Variants in KSR2 observed in about 807,000 individuals in gnomAD.
The protein encoded by KSR2 is kinase suppressor of ras 2.
Under a neutral mutation model 107.8 loss-of-function variants are expected in KSR2, and 25 were observed. The observed-to-expected ratio is 0.23, with a 90% CI of 0.17 to 0.32. The LOEUF (loss-of-function observed/expected upper bound fraction) is 0.32, where lower values mean the gene tolerates loss of function less well. Ranked by LOEUF, KSR2 falls within the 10% of genes least tolerant of loss-of-function variation. KSR2 has a pLI of 1.00. For synonymous variants in KSR2, 480 were observed against 507.0 expected (o/e 0.95, Z 0.71); for missense variants, 887 against 1,268.9 (o/e 0.70, Z 4.57).
At chr12:117,589,433 C>G (rs560493470) in intron 5 of KSR2, among the ~76,000 whole-genome samples, 1 of 152,288 alleles carries the variant, frequency 6.6e-6, no homozygotes, top group Admixed American at 6.5e-5. Context: ...GGTTTGAACC[C>G]AAGAGCTCAT....
At chr12:117,665,731 T>C (rs1396311962) in intron 5 of KSR2, among the ~76,000 whole-genome samples, 1 of 152,202 alleles carries the variant, frequency 6.6e-6, no homozygotes, top group African/African-American at 2.4e-5. Context: ...GCTCATCTAA[T>C]CCTCACAACT....
chr12:117,886,581 C>T (rs1394902904), intron 1 of KSR2, among the ~76,000 whole-genome samples: 15 of 151,950 alleles, frequency 9.9e-5, no homozygotes, highest in African/African-American at 2.9e-4. Context: ...TGCCATCTAA[C>T]GCTTGTGTAA....
chr12:117,574,714 A>C (rs1879157546), intron 7 of KSR2, among the ~76,000 whole-genome samples: 1 of 152,136 alleles, frequency 6.6e-6, no homozygotes, highest in South Asian at 2.1e-4. Flanking sequence ...ACCATCTTAA[A>C]ATGCAAATTC....
chr12:117,470,334 C>CTA (rs1566120628), intron 18 of KSR2, among the ~76,000 whole-genome samples: 1 of 151,980 alleles, frequency 6.6e-6, no homozygotes, highest in Non-Finnish European at 1.5e-5. Context: ...ATGCATGCAT[C>CTA]TATACATCCA....
intron 4 of KSR2, among the ~76,000 whole-genome samples, chr12:117,738,044 C>G (rs1435249271): frequency 6.6e-6 from 1 of 152,172 alleles, no homozygotes; most frequent in African/African-American, 2.4e-5. Context: ...GGGCTCCAAG[C>G]ACAGCAGTTA....
intron 4 of KSR2, among the ~76,000 whole-genome samples, chr12:117,730,345 A>G (rs1887612121): frequency 6.6e-6 from 1 of 152,194 alleles, no homozygotes. Context: ...TATATAAGGC[A>G]CTTAGCACAA....
At chr12:117,483,804 G>A (rs1268236284) in intron 16 of KSR2, among the ~76,000 whole-genome samples, 1 of 152,174 alleles carries the variant, frequency 6.6e-6, no homozygotes, top group Non-Finnish European at 1.5e-5. Context: ...TACCCTTTGC[G>A]GAGCTTTTGA....
At chr12:117,504,373 T>C (rs1873551209) in intron 14 of KSR2, among the ~76,000 whole-genome samples, 1 of 152,220 alleles carries the variant, frequency 6.6e-6, no homozygotes, top group African/African-American at 2.4e-5. Context: ...GGACAAAATA[T>C]AAGTTTGTGC....
intron 5 of KSR2, among the ~76,000 whole-genome samples, chr12:117,651,100 C>G (rs137987368): frequency 6.6e-6 from 1 of 152,318 alleles, no homozygotes; most frequent in Non-Finnish European, 1.5e-5. Context: ...TTTGTAAACT[C>G]TGATGGACCC....
At chr12:117,554,897 T>C (rs1044271680) in intron 9 of KSR2, among the ~76,000 whole-genome samples, 11 of 152,170 alleles carry the variant, frequency 7.2e-5, no homozygotes, top group African/African-American at 2.7e-4. Context: ...TCCTTTTAAG[T>C]CTCTCCTCCC....
intron 3 of KSR2, among the ~76,000 whole-genome samples, chr12:117,831,309 C>T (rs541298407): frequency 3.3e-5 from 5 of 152,306 alleles, no homozygotes; most frequent in Admixed American, 6.5e-5. Context: ...AGAAGTTTCC[C>T]GCTTGTTCCA....
rs555147835 is a variant in KSR2 at position 117,803,478 on chromosome 12, G to T, written c.473-41954C>A. ...AGCACTTTGGGAGGCCGAGGCGGGC[G>T]GATCACGAGGTCAGGAGATCATGAC... On this transcript the variant is annotated intron_variant, in intron 3 of 19. Transcript: ENST00000339824. 8.5e-5 allele frequency among the ~76,000 whole-genome samples: 13 copies of T among 152,224 alleles called. No homozygotes were observed. In the South Asian group the frequency reaches 2.7e-3, roughly 32 times the overall value.
intron 8 of KSR2, among the ~76,000 whole-genome samples, chr12:117,557,182 T>TA (rs2137344167): frequency 6.6e-6 from 1 of 152,192 alleles, no homozygotes; most frequent in South Asian, 2.1e-4. Context: ...ATTGAATAAA[T>TA]AAAAAATAAG....
chr12:117,833,747 C>T (rs769223333), intron 3 of KSR2, among the ~76,000 whole-genome samples: 13 of 152,140 alleles, frequency 8.5e-5, no homozygotes, highest in African/African-American at 1.2e-4. Context: ...ACACTAAGTC[C>T]TTCCTTCATG....
intron 4 of KSR2, among the ~76,000 whole-genome samples, chr12:117,709,781 T>C (rs1318334917): frequency 2.0e-5 from 3 of 152,210 alleles, no homozygotes; most frequent in East Asian, 1.9e-4. Context: ...CCGTGTATTG[T>C]AGGATGTTAG....
chr12:117,782,404 T>C (rs941262135), intron 3 of KSR2, among the ~76,000 whole-genome samples: 9 of 152,254 alleles, frequency 5.9e-5, no homozygotes, highest in Non-Finnish European at 1.0e-4. Context: ...GCTAGGACTA[T>C]AGGCGTGCAC....
In KSR2 at chr12:117,817,828, C is replaced by T. The variant is rs540255214; in HGVS notation, c.472+37600G>A. Reference sequence around the variant, plus strand: ...TCTTCAAGATGTTCCAGGCTGGGCGCGGTGGCTCACACCTGTAATCCCAGC... The same window carrying T: ...TCTTCAAGATGTTCCAGGCTGGGCGTGGTGGCTCACACCTGTAATCCCAGC... On this transcript the variant is annotated intron_variant, in intron 3 of 19. Coordinates refer to ENST00000339824, the MANE Select transcript of KSR2 (RefSeq NM_173598.6). 2.0e-4 allele frequency among the ~76,000 whole-genome samples: 30 copies of T among 152,184 alleles called. No individual in the cohort carries two copies. The South Asian group carries it at 3.3e-3, about 17-fold the overall frequency.
At chr12:117,838,249 C>A (rs1892322795) in intron 3 of KSR2, among the ~76,000 whole-genome samples, 1 of 152,228 alleles carries the variant, frequency 6.6e-6, no homozygotes, top group Non-Finnish European at 1.5e-5. Context: ...CTCACTGTAA[C>A]CTCTGCCTCC....
Position 117,790,374 on chromosome 12 carries a change from T to C in KSR2, c.473-28850A>G, listed in dbSNP as rs185299961. 3.5e-4 allele frequency among the ~76,000 whole-genome samples: 54 copies of C among 152,280 alleles called. No homozygotes were observed. The East Asian group carries it at 8.9e-3, about 25-fold the overall frequency. ...GGGCAGGTAGATGACAGACAAAAGG[T>C]TGCATTCTTTTGAGTTCTTGATCAG... On this transcript the variant is annotated intron_variant, in intron 3 of 19. Coordinates refer to ENST00000339824, the MANE Select transcript of KSR2 (RefSeq NM_173598.6).
Sources: gnomAD v4.1 joint callset for allele counts (sites outside exome capture counted in the v4.1 genomes callset) on GRCh38, gnomAD v4.1.1 for gene constraint, MANE v1.5 for transcripts, NCBI Gene and HGNC (gene_info 2026-07-23, HGNC 2026-07-21) for gene names.